The following VAT1L variants were observed in gnomAD, a reference collection of about 807,000 sequenced individuals.
VAT1L encodes the protein vesicle amine transport 1 like, also known as putative NADPH-dependent quinone oxidoreductase VAT1L.
Under a neutral mutation model 44.1 loss-of-function variants are expected in VAT1L, and 34 were observed. The ratio of observed to expected loss-of-function variants is 0.77; its 90% confidence interval spans 0.59 to 1.03. VAT1L has a LOEUF of 1.03. Among genes scored for constraint, VAT1L ranks in the 50% least tolerant of loss-of-function variants. VAT1L has a pLI of 0.00. For synonymous variants in VAT1L, 253 were observed against 202.2 expected (o/e 1.25, Z -2.13); for missense variants, 615 against 538.8 (o/e 1.14, Z -1.40).
intron 7 of VAT1L, among the ~76,000 whole-genome samples, chr16:77,951,112 G>T (rs975785396): frequency 6.6e-6 from 1 of 152,200 alleles, no homozygotes; most frequent in Admixed American, 6.5e-5. Context: ...ACAGAGAATG[G>T]AAAGATACGT....
At chr16:77,862,677 C>G in intron 3 of VAT1L, 71 bp from the exon 4 acceptor site, 1 of 1,115,930 alleles carries the variant, frequency 9.0e-7, no homozygotes, top group Non-Finnish European at 1.3e-6. Context: ...AAATCCTGCT[C>G]TACACCCAGC....
At chr16:77,833,745 G>A (rs981512265) in intron 3 of VAT1L, among the ~76,000 whole-genome samples, 1 of 150,200 alleles carries the variant, frequency 6.7e-6, no homozygotes, top group African/African-American at 2.5e-5. Flanking sequence ...GTGAGACTCT[G>A]TCTCAAAAAA....
chr16:77,958,510 A>G (rs1008675960), intron 7 of VAT1L, among the ~76,000 whole-genome samples: 2 of 152,168 alleles, frequency 1.3e-5, no homozygotes, highest in African/African-American at 4.8e-5. Flanking sequence ...CTTCAGTTCT[A>G]TTCAACCACC....
Position 77,862,798 on chromosome 16 carries a change from T to C in VAT1L, c.630T>C (p.Phe210=). Residue 210 remains phenylalanine, a synonymous_variant, in exon 4 of 9, where the codon TTT becomes TTC. Coordinates refer to ENST00000302536, the MANE Select transcript of VAT1L (RefSeq NM_020927.3). ...LCSTVPNVTV[F]GTASTFKHEA... Reference sequence around the variant, plus strand: ...CCACTGTCCCCAACGTGACTGTCTTTGGAACAGCCTCTACTTTCAAGCATG... The same window carrying C: ...CCACTGTCCCCAACGTGACTGTCTTCGGAACAGCCTCTACTTTCAAGCATG... 1 of 1,614,100 alleles carries C rather than the reference T, an allele frequency of 6.2e-7. No individual in the cohort carries two copies. Among genetic ancestry groups the C allele is most frequent in the Non-Finnish European group, 8.5e-7 (1 of 1,180,004 alleles).
chr16:77,886,570 T>G (rs1173102058), intron 7 of VAT1L, among the ~76,000 whole-genome samples: 1 of 152,098 alleles, frequency 6.6e-6, no homozygotes. Context: ...CACCAAACAT[T>G]TACTGAACAA....
chr16:77,890,560 C>T (rs950610678), intron 7 of VAT1L, among the ~76,000 whole-genome samples: 4 of 152,138 alleles, frequency 2.6e-5, no homozygotes, highest in Non-Finnish European at 5.9e-5. Context: ...ATTGCTTTCC[C>T]CCATCTGCCA....
At position 77,843,160 on chromosome 16, in the gene VAT1L, G is replaced by A. The variant is rs62044479; in HGVS notation, c.579+17699G>A. Among the ~76,000 whole-genome samples, 236 of 152,324 alleles carry A rather than the reference G, an allele frequency of 1.5e-3. 1 individual carries two copies. Among genetic ancestry groups the A allele is most frequent in the Non-Finnish European group, 2.4e-3 (164 of 68,036 alleles). ...AAATGAGAAAGGGGACAGCAGGTACGGGTCTACCCATCTGCTCATTGCCTC... is the reference window on the plus strand; with the variant it reads ...AAATGAGAAAGGGGACAGCAGGTACAGGTCTACCCATCTGCTCATTGCCTC... On this transcript the variant is annotated intron_variant, in intron 3 of 8. Coordinates refer to ENST00000302536, the MANE Select transcript of VAT1L (RefSeq NM_020927.3).
In VAT1L at chr16:77,973,892, A is replaced by ATT. The variant is rs1323730449; in HGVS notation, c.1161+1965_1161+1966dup. On this transcript the variant is annotated intron_variant, in intron 8 of 8. Transcript: ENST00000302536. The stretch of plus-strand genomic sequence containing the variant: ...AGGCACCTGCCACCATGCCTGGCTA[A>ATT]TTTTTTTGTATTTTTAGTACAGACT... Among the ~76,000 whole-genome samples the ATT allele has an allele frequency of 2.0e-5, 3 of 151,736 alleles. No homozygotes were observed. The South Asian group carries it at 6.3e-4, about 32-fold the overall frequency.
At chr16:77,904,437 G>A (rs2017419032) in intron 7 of VAT1L, among the ~76,000 whole-genome samples, 1 of 152,168 alleles carries the variant, frequency 6.6e-6, no homozygotes, top group African/African-American at 2.4e-5. Context: ...CAAGGTGTCA[G>A]CTAATTTGGT....
intron 7 of VAT1L, among the ~76,000 whole-genome samples, chr16:77,938,437 T>C (rs564871191): frequency 6.6e-6 from 1 of 152,324 alleles, no homozygotes; most frequent in South Asian, 2.1e-4. Context: ...TCAAATCTCA[T>C]GTTGAATTGT....
At chr16:77,946,607 C>G (rs765611443) in intron 7 of VAT1L, among the ~76,000 whole-genome samples, 5 of 152,072 alleles carry the variant, frequency 3.3e-5, no homozygotes, top group Admixed American at 6.6e-5. Flanking sequence ...AAGAAATAAA[C>G]CTCTACTTGG....
chr16:77,892,923 G>C, intron 7 of VAT1L: 4 of 1,003,206 alleles, frequency 4.0e-6, no homozygotes, highest in Non-Finnish European at 6.3e-6. Context: ...TAATAAGTTT[G>C]ACTTGTGTTT....
At chr16:77,887,774 A>G (rs2017224253) in intron 7 of VAT1L, among the ~76,000 whole-genome samples, 1 of 152,180 alleles carries the variant, frequency 6.6e-6, no homozygotes, top group African/African-American at 2.4e-5. Context: ...TACTTCTTCC[A>G]TCTTTATTCT....
intron 7 of VAT1L, chr16:77,893,056 G>A (rs1311296809): frequency 3.8e-6 from 2 of 525,664 alleles, no homozygotes; most frequent in Admixed American, 2.9e-5. Flanking sequence ...TGTTTTCCTT[G>A]TTCCCTTCCA....
At chr16:77,848,980 T>A (rs1597065443) in intron 3 of VAT1L, among the ~76,000 whole-genome samples, 1 of 151,986 alleles carries the variant, frequency 6.6e-6, no homozygotes, top group African/African-American at 2.4e-5. Flanking sequence ...CATAAGTGGG[T>A]GGTGAACAAT....
intron 7 of VAT1L, among the ~76,000 whole-genome samples, chr16:77,969,331 A>G (rs778776118): frequency 3.9e-5 from 6 of 152,022 alleles, no homozygotes; most frequent in Non-Finnish European, 8.8e-5. Flanking sequence ...CACTCAGGAC[A>G]GAGTTGCTCT....
At chr16:77,860,180 T>C (rs953416163) in intron 3 of VAT1L, among the ~76,000 whole-genome samples, 1 of 152,318 alleles carries the variant, frequency 6.6e-6, no homozygotes, top group East Asian at 1.9e-4. Flanking sequence ...TTTTAGACTT[T>C]GAGCCTCCAG....
intron 7 of VAT1L, among the ~76,000 whole-genome samples, chr16:77,902,638 A>T (rs1344251915): frequency 6.6e-6 from 1 of 151,146 alleles, no homozygotes; most frequent in African/African-American, 2.4e-5. Context: ...TAAAAAGAAA[A>T]TAGATCAATC....
intron 2 of VAT1L, among the ~76,000 whole-genome samples, chr16:77,820,474 A>T (rs1046922671): frequency 6.6e-6 from 1 of 152,194 alleles, no homozygotes. Context: ...CGAGCTCTGT[A>T]GGGGTGTTTC....
Sources: allele counts gnomAD v4.1 joint callset (sites outside exome capture counted in the v4.1 genomes callset), GRCh38; gene constraint gnomAD v4.1.1; transcripts MANE v1.5; gene names NCBI Gene and HGNC (gene_info 2026-07-23, HGNC 2026-07-21).